Variants in MTERF1 observed in about 807,000 individuals in gnomAD.
The protein encoded by MTERF1 is mitochondrial transcription termination factor 1.
Under a neutral mutation model 31.6 loss-of-function variants are expected in MTERF1, and 29 were observed. The observed-to-expected ratio is 0.92, with a 90% CI of 0.68 to 1.25. The LOEUF (loss-of-function observed/expected upper bound fraction) is 1.25, where lower values mean the gene tolerates loss of function less well. Among genes scored for constraint, MTERF1 ranks in the 50% most tolerant of loss-of-function variants. The pLI, the probability that MTERF1 is intolerant of heterozygous loss-of-function variation, is 0.00. For synonymous variants in MTERF1, 152 were observed against 164.1 expected (o/e 0.93, Z 0.57); for missense variants, 500 against 469.1 (o/e 1.07, Z -0.61).
rs1342438805 is a variant in MTERF1 at position 91,873,449 on chromosome 7, T to C, written c.*145A>G. The C allele has an allele frequency of 1.4e-6, 1 of 715,694 alleles. No homozygotes were observed. The highest frequency in any genetic ancestry group is 2.2e-6 in the Non-Finnish European group (1 of 450,176). 44.3% of individuals were successfully genotyped at this position (715,694 alleles called of 1,614,324 possible). The stretch of plus-strand genomic sequence containing the variant: ...TTCAACTTTTAAAGATCCCTACAAT[T>C]ATATTAGGCCCTCCAAAGTAATTCA... On this transcript the variant is annotated 3_prime_UTR_variant, in exon 3 of 3. Transcript: ENST00000351870.
Position 91,874,003 on chromosome 7 carries a change from T to C in MTERF1, c.791A>G (p.Asn264Ser), listed in dbSNP as rs149530545. Residue 264 changes from asparagine (N) to serine (S), a missense_variant, in exon 3 of 3, where the codon AAT becomes AGT. Asn to Ser is a conservative substitution (Grantham distance 46). Coordinates refer to ENST00000351870, the MANE Select transcript of MTERF1 (RefSeq NM_006980.5). ...AACCAGCAGTTCCTCACTGTTCAAA[T>C]TGAAAGTTGACCGTAAGAATTCAAT... ...ANIEFLRSTF[N>S]LNSEELLVLI... 1.0e-4 allele frequency: 162 copies of C among 1,614,122 alleles called. No homozygotes were observed. The East Asian group carries it at 1.8e-3, about 18-fold the overall frequency.
In MTERF1 at chr7:91,880,080, G is replaced by T. The variant is rs1236436063; in HGVS notation, c.4C>A (p.Gln2Lys). The change falls in exon 2 of 3, where the codon CAG becomes AAG. Residue 2 changes from glutamine (Q) to lysine (K), a missense_variant. Gln to Lys is a moderately conservative substitution (Grantham distance 53, BLOSUM62 1). Coordinates refer to ENST00000351870, the MANE Select transcript of MTERF1 (RefSeq NM_006980.5). ...CTTGTTTGTCCTAAGGAAAGGCTCTGCATCCCTCCAGAAAGGCTGGAGAAC... is the reference window on the plus strand; with the variant it reads ...CTTGTTTGTCCTAAGGAAAGGCTCTTCATCCCTCCAGAAAGGCTGGAGAAC... M[Q>K]SLSLGQTSIS... The T allele has an allele frequency of 6.2e-7, 1 of 1,613,944 alleles. No individual in the cohort carries two copies. The highest frequency in any genetic ancestry group is 1.7e-5 in the Admixed American group (1 of 59,994).
At chr7:91,878,077 C>G (rs187914584) in intron 2 of MTERF1, among the ~76,000 whole-genome samples, 10 of 152,272 alleles carry the variant, frequency 6.6e-5, no homozygotes, top group Non-Finnish European at 1.3e-4. Flanking sequence ...AATCTTCCCT[C>G]AAATCCTTAA....
rs1383085624 is a variant in MTERF1, at chr7:91,871,470, C to T, written c.*2124G>A. ...AAGAAATCAATACTTTAAGCCATAA[C>T]AGTAAAATGTATTCCCAATACTACT... On this transcript the variant is annotated 3_prime_UTR_variant, in exon 3 of 3. Coordinates refer to ENST00000351870, the MANE Select transcript of MTERF1 (RefSeq NM_006980.5). The T allele has an allele frequency of 1.3e-5, 2 of 152,146 alleles. No homozygotes were observed. Among genetic ancestry groups the T allele is most frequent in the African/African-American group, 4.8e-5 (2 of 41,442 alleles). The allele number at this position is 152,146 out of a possible 1,614,324, so 9.4% of individuals were successfully genotyped here. A position where few individuals can be genotyped will look rare whatever the true frequency, so the allele number is the denominator to read the frequency against.
At chr7:91,880,157 G>C (rs1379800447) in intron 1 of MTERF1, 44 bp from the exon 2 acceptor site, 44 of 1,524,640 alleles carry the variant, frequency 2.9e-5, no homozygotes, top group Non-Finnish European at 3.8e-5. Flanking sequence ...AAATATTTCA[G>C]GCCTTCCTAA....
At chr7:91,877,016 G>T in intron 2 of MTERF1, 1 of 777,146 alleles carries the variant, frequency 1.3e-6, no homozygotes, top group Non-Finnish European at 1.6e-6. Context: ...GATGGAGGAA[G>T]AAAATAGTTA....
chr7:91,872,721 A>G lies in MTERF1; in HGVS notation c.*873T>C, dbSNP rs1030476492. On this transcript the variant is annotated 3_prime_UTR_variant, in exon 3 of 3. Transcript: ENST00000351870. ...GGAAAACAATTAAAATTAAGGTCAT[A>G]TAATTTGTCTCACGTCTTTCAGTTT... 3 of 152,238 alleles carry G rather than the reference A, an allele frequency of 2.0e-5. No individual in the cohort carries two copies. Among genetic ancestry groups the G allele is most frequent in the Non-Finnish European group, 4.4e-5 (3 of 68,042 alleles). 9.4% of individuals were successfully genotyped at this position (152,238 alleles called of 1,614,324 possible).
rs751851767 is a variant in MTERF1, at chr7:91,874,653, T to G, written c.141A>C (p.Glu47Asp). 6.2e-7 allele frequency: 1 copy of G among 1,614,118 alleles called. No individual in the cohort carries two copies. Among genetic ancestry groups the G allele is most frequent in the Admixed American group, 1.7e-5 (1 of 60,014 alleles). Residue 47 changes from glutamate to aspartate, a missense_variant, in exon 3 of 3, where the codon GAA becomes GAC. By Grantham distance (45) the Glu-to-Asp change is conservative. Coordinates refer to ENST00000351870, the MANE Select transcript of MTERF1 (RefSeq NM_006980.5). ...TAAATGAAACTGATTTGAAGATGTTTTCTGCTGAAAATCGAGTCATCCAAC... is the reference window on the plus strand; with the variant it reads ...TAAATGAAACTGATTTGAAGATGTTGTCTGCTGAAAATCGAGTCATCCAAC... ...SRCWMTRFSA[E>D]NIFKSVSFRL...
intron 2 of MTERF1, among the ~76,000 whole-genome samples, chr7:91,876,302 G>A (rs1789345142): frequency 6.6e-6 from 1 of 152,170 alleles, no homozygotes; most frequent in African/African-American, 2.4e-5. Context: ...TCATATAACA[G>A]TACATATATA....
chr7:91,875,932 T>C (rs1789335452), intron 2 of MTERF1, among the ~76,000 whole-genome samples: 1 of 152,210 alleles, frequency 6.6e-6, no homozygotes, highest in African/African-American at 2.4e-5. Flanking sequence ...TAAATCCACA[T>C]GGCCCGCCAC....
At chr7:91,878,551 A>G (rs896876112) in intron 2 of MTERF1, among the ~76,000 whole-genome samples, 1 of 152,184 alleles carries the variant, frequency 6.6e-6, no homozygotes, top group Non-Finnish European at 1.5e-5. Context: ...GGGGGAAAAA[A>G]GGGCCAGGGG....
chr7:91,875,849 C>G (rs1404796077), intron 2 of MTERF1, among the ~76,000 whole-genome samples: 2 of 152,114 alleles, frequency 1.3e-5, no homozygotes, highest in Non-Finnish European at 2.9e-5. Context: ...TTTGGTTTAC[C>G]CTATCATTCC....
rs1789183193 is a variant in MTERF1, at chr7:91,871,395, G to C, written c.*2199C>G. On this transcript the variant is annotated 3_prime_UTR_variant, in exon 3 of 3. Coordinates refer to ENST00000351870, the MANE Select transcript of MTERF1 (RefSeq NM_006980.5). ...CTTCAAGTCCCTTATGAGCTTGTTA[G>C]ATTCCAAAACAATACCTCAGAAAAC... The C allele has an allele frequency of 6.6e-6, 1 of 152,154 alleles. No individual in the cohort carries two copies. 9.4% of individuals were successfully genotyped at this position (152,154 alleles called of 1,614,324 possible).
chr7:91,879,918 G>T, intron 2 of MTERF1, 137 bp downstream of exon 2: 3 of 914,120 alleles, frequency 3.3e-6, no homozygotes, highest in Non-Finnish European at 1.7e-6. Context: ...ATTTACGTTC[G>T]CCTCTGCCCC....
rs145034397 is a variant in MTERF1, at chr7:91,873,144, C to G, written c.*450G>C. 6.5e-6 allele frequency: 1 copy of G among 153,672 alleles called. No homozygotes were observed. Among genetic ancestry groups the G allele is most frequent in the South Asian group, 2.1e-4 (1 of 4,870 alleles). The allele number at this position is 153,672 out of a possible 1,614,324, so 9.5% of individuals were successfully genotyped here. A position where few individuals can be genotyped will look rare whatever the true frequency, so the allele number is the denominator to read the frequency against. The stretch of plus-strand genomic sequence containing the variant: ...TGCTTCTTCAGCAAATTATCACTGA[C>G]TCAGTGGTTTAAAACAACACAAATT... On this transcript the variant is annotated 3_prime_UTR_variant, in exon 3 of 3. Transcript: ENST00000351870.
chr7:91,879,961 A>C, intron 2 of MTERF1, 94 bp downstream of exon 2: 1 of 1,470,216 alleles, frequency 6.8e-7, no homozygotes, highest in East Asian at 2.3e-5. Context: ...TGTTAATGGA[A>C]ATAACTAATC....
At chr7:91,879,687 T>C (rs1286384026) in intron 2 of MTERF1, among the ~76,000 whole-genome samples, 1 of 152,198 alleles carries the variant, frequency 6.6e-6, no homozygotes, top group Admixed American at 6.5e-5. Flanking sequence ...ATACTCATAA[T>C]ATCTAGTAGG....
chr7:91,872,002 T>C lies in MTERF1; in HGVS notation c.*1592A>G, dbSNP rs1299348364. Reference sequence around the variant, plus strand: ...AAGAGGAAAAGAGACCTAAGTACATTAGCAATCGCCATGTGATACACTGTG... The same window carrying C: ...AAGAGGAAAAGAGACCTAAGTACATCAGCAATCGCCATGTGATACACTGTG... On this transcript the variant is annotated 3_prime_UTR_variant, in exon 3 of 3. Coordinates refer to ENST00000351870, the MANE Select transcript of MTERF1 (RefSeq NM_006980.5). 6.6e-6 allele frequency: 1 copy of C among 152,238 alleles called. No individual in the cohort carries two copies. The highest frequency in any genetic ancestry group is 1.5e-5 in the Non-Finnish European group (1 of 68,068). The allele number at this position is 152,238 out of a possible 1,614,324, so 9.4% of individuals were successfully genotyped here.
rs1487965578 is a variant in MTERF1, at chr7:91,880,268, G to C, written c.-30-155C>G. On this transcript the variant is annotated intron_variant, in intron 1 of 2. Coordinates refer to ENST00000351870, the MANE Select transcript of MTERF1 (RefSeq NM_006980.5). ...CAACATTTCTCAGACATACAGAAAA[G>C]AAAACGGCAAGTACATGCCTACATA... is the stretch of plus-strand genomic sequence containing the variant. 6.5e-6 allele frequency: 4 copies of C among 611,312 alleles called. No homozygotes were observed. The African/African-American group carries it at 7.4e-5, about 11-fold the overall frequency. 37.9% of individuals were successfully genotyped at this position (611,312 alleles called of 1,614,324 possible). A position where few individuals can be genotyped will look rare whatever the true frequency, so the allele number is the denominator to read the frequency against.
Sources: allele counts gnomAD v4.1 joint callset (sites outside exome capture counted in the v4.1 genomes callset), GRCh38; gene constraint gnomAD v4.1.1; transcripts MANE v1.5; gene names NCBI Gene and HGNC (gene_info 2026-07-23, HGNC 2026-07-21).